The following LARGE1 variants were observed in gnomAD, a reference collection of about 807,000 sequenced individuals.
LARGE1 encodes xylosyl- and glucuronyltransferase LARGE1.
A neutral mutation model predicts 87.6 loss-of-function variants in LARGE1; 43 were observed. The ratio of observed to expected loss-of-function variants is 0.49; its 90% CI spans 0.38 to 0.63. The LOEUF (loss-of-function observed/expected upper bound fraction) is 0.63, where lower values mean the gene tolerates loss of function less well. Among genes scored for constraint, LARGE1 ranks in the 30% least tolerant of loss-of-function variants. LARGE1 has a pLI of 0.00. For synonymous variants in LARGE1, 434 were observed against 394.6 expected (o/e 1.10, Z -1.18); for missense variants, 802 against 1,000.2 (o/e 0.80, Z 2.67).
chr22:33,585,034 T>C (rs1197276211), intron 5 of LARGE1, among the ~76,000 whole-genome samples: 1 of 152,090 alleles, frequency 6.6e-6, no homozygotes, highest in Non-Finnish European at 1.5e-5. Context: ...TGAGAATAGC[T>C]TGAATCTGGG....
rs193297750 is a variant in LARGE1 at position 33,499,876 on chromosome 22, C to T, written c.787+64972G>A. On this transcript the variant is annotated intron_variant, in intron 6 of 14. Transcript: ENST00000397394. ...GCAACCTCCGCCTCCCAGGTTCAAG[C>T]GACTCTCCTGCCTCAATCTCCTGAG... Among the ~76,000 whole-genome samples, 39 of 152,244 alleles carry T rather than the reference C, an allele frequency of 2.6e-4. 1 individual carries two copies. The East Asian group carries it at 6.4e-3, about 25-fold the overall frequency.
intron 5 of LARGE1, among the ~76,000 whole-genome samples, chr22:33,603,357 T>A (rs1462663074): frequency 6.6e-6 from 1 of 152,218 alleles, no homozygotes; most frequent in Non-Finnish European, 1.5e-5. Flanking sequence ...CAAAGTTACA[T>A]GTTCCTCTAA....
At chr22:33,377,576 T>G (rs146199092) in intron 9 of LARGE1, among the ~76,000 whole-genome samples, 1 of 152,246 alleles carries the variant, frequency 6.6e-6, no homozygotes, top group Non-Finnish European at 1.5e-5. Context: ...CTTTGCATGT[T>G]TGCAGAAAAT....
At chr22:33,803,819 A>T (rs984078504) in intron 1 of LARGE1, among the ~76,000 whole-genome samples, 7 of 152,206 alleles carry the variant, frequency 4.6e-5, no homozygotes, top group African/African-American at 9.6e-5. Flanking sequence ...TTAGGCAGGC[A>T]TCCAAAATTG....
intron 6 of LARGE1, among the ~76,000 whole-genome samples, chr22:33,512,348 T>A (rs1417829535): frequency 8.5e-5 from 13 of 152,168 alleles, no homozygotes; most frequent in Non-Finnish European, 1.8e-4. Flanking sequence ...TTTAAAAAAT[T>A]ATGATTTATC....
chr22:33,651,034 G>A (rs1050114594), intron 2 of LARGE1, among the ~76,000 whole-genome samples: 2 of 151,608 alleles, frequency 1.3e-5, no homozygotes, highest in Non-Finnish European at 2.9e-5. Context: ...ACAAGGGAGG[G>A]GAGAAGGAGT....
chr22:33,350,622 C>T (rs2146747364), intron 9 of LARGE1, among the ~76,000 whole-genome samples: 1 of 152,252 alleles, frequency 6.6e-6, no homozygotes, highest in African/African-American at 2.4e-5. Flanking sequence ...CAGTCATGCC[C>T]TTGGGGGTGG....
intron 4 of LARGE1, among the ~76,000 whole-genome samples, chr22:33,607,977 T>C: frequency 6.6e-6 from 1 of 152,122 alleles, no homozygotes; most frequent in South Asian, 2.1e-4. Context: ...CACTGGGCCT[T>C]GGTGATGCTT....
At chr22:33,734,895 C>A (rs1216204068) in intron 2 of LARGE1, among the ~76,000 whole-genome samples, 1 of 152,140 alleles carries the variant, frequency 6.6e-6, no homozygotes, top group Non-Finnish European at 1.5e-5. Flanking sequence ...ACACCTGTTT[C>A]CTGGAAACAC....
intron 2 of LARGE1, among the ~76,000 whole-genome samples, chr22:33,710,399 C>T (rs925049494): frequency 6.6e-6 from 1 of 152,146 alleles, no homozygotes; most frequent in African/African-American, 2.4e-5. Flanking sequence ...TGGTCTAATG[C>T]ATGATCATGG....
At chr22:33,784,940 C>T (rs529252783) in intron 1 of LARGE1, among the ~76,000 whole-genome samples, 3 of 150,446 alleles carry the variant, frequency 2.0e-5, no homozygotes, top group Non-Finnish European at 3.0e-5. Flanking sequence ...TGTATATACA[C>T]GTGTATACAT....
intron 6 of LARGE1, among the ~76,000 whole-genome samples, chr22:33,471,758 G>C (rs139610237): frequency 0.017 from 2,598 of 152,272 alleles, 32 homozygotes; most frequent in Middle Eastern, 0.058. Context: ...GGAGAGGCCA[G>C]GCGCGGTGGC....
intron 7 of LARGE1, among the ~76,000 whole-genome samples, chr22:33,397,742 T>G (rs766040504): frequency 6.6e-6 from 1 of 152,186 alleles, no homozygotes; most frequent in East Asian, 1.9e-4. Flanking sequence ...TCAGGTTAAG[T>G]AGATATTGCA....
At chr22:33,600,119 A>G (rs1192462877) in intron 5 of LARGE1, among the ~76,000 whole-genome samples, 1 of 152,164 alleles carries the variant, frequency 6.6e-6, no homozygotes, top group Non-Finnish European at 1.5e-5. Context: ...GTGATAAAGA[A>G]ACGTGAATTC....
At chr22:33,132,187 T>C in the LARGE1 span, among the ~76,000 whole-genome samples, 1 of 152,082 alleles carries the variant, frequency 6.6e-6, no homozygotes, top group Admixed American at 6.5e-5. Context: ...TACTTATTTA[T>C]TTATTTATTT....
At chr22:33,333,109 C>A (rs985925280) in intron 10 of LARGE1, among the ~76,000 whole-genome samples, 10 of 151,658 alleles carry the variant, frequency 6.6e-5, no homozygotes, top group African/African-American at 2.2e-4. Context: ...CGGGTTCATG[C>A]CATTCTCCTG....
At chr22:33,678,416 T>G (rs548359780) in intron 2 of LARGE1, among the ~76,000 whole-genome samples, 1 of 152,276 alleles carries the variant, frequency 6.6e-6, no homozygotes, top group Non-Finnish European at 1.5e-5. Flanking sequence ...GACAACCTAG[T>G]ATAAACCACC....
At chr22:33,657,253 T>G (rs561378529) in intron 2 of LARGE1, 1 of 152,220 alleles carries the variant, frequency 6.6e-6, no homozygotes, top group Admixed American at 6.5e-5. Context: ...CTGCCCGTGA[T>G]AAAGACACTA....
At chr22:33,823,368 A>T (rs2062693994) in intron 1 of LARGE1, among the ~76,000 whole-genome samples, 1 of 152,204 alleles carries the variant, frequency 6.6e-6, no homozygotes, top group South Asian at 2.1e-4. Context: ...CAGAAGCCTT[A>T]TGTTTTCATC....
Sources: gnomAD v4.1 joint callset for allele counts (sites outside exome capture counted in the v4.1 genomes callset) on GRCh38, gnomAD v4.1.1 for gene constraint, MANE v1.5 for transcripts, NCBI Gene and HGNC (gene_info 2026-07-23, HGNC 2026-07-21) for gene names.